The following PTTG1IP2 variants were observed in gnomAD, a reference collection of about 807,000 sequenced individuals.
The protein encoded by PTTG1IP2 is PTTG1IP family member 2.
intron 6 of PTTG1IP2, among the ~76,000 whole-genome samples, chr7:90,512,799 C>T (rs1798205713): frequency 6.6e-6 from 1 of 152,220 alleles, no homozygotes; most frequent in Non-Finnish European, 1.5e-5. Flanking sequence ...CGATATTATT[C>T]TACAGAACAG....
intron 2 of PTTG1IP2, among the ~76,000 whole-genome samples, chr7:90,486,575 C>A (rs1489584737): frequency 1.4e-5 from 2 of 139,412 alleles, no homozygotes; most frequent in African/African-American, 5.4e-5. Flanking sequence ...TTTCCTATTT[C>A]TGCATGATTA....
chr7:90,491,413 A>C (rs1797936270), intron 4 of PTTG1IP2, among the ~76,000 whole-genome samples: 1 of 152,200 alleles, frequency 6.6e-6, no homozygotes, highest in Non-Finnish European at 1.5e-5. Context: ...ACCTGAGGTC[A>C]GGAGTTCGAG....
Position 90,469,936 on chromosome 7 carries a change from GT to G in PTTG1IP2, c.145+6del, listed in dbSNP as rs1797662132. The G allele has an allele frequency of 6.6e-6, 1 of 152,670 alleles. No homozygotes were observed. The highest frequency in any genetic ancestry group is 1.5e-5 in the Non-Finnish European group (1 of 68,054). The allele number at this position is 152,670 out of a possible 1,614,324, so 9.5% of individuals were successfully genotyped here. Reference sequence around the variant, plus strand: ...CAAGAGATGGGAATGAAGAGGGTGAGTGATCTGGAGTCCTGAGGTGGGTGCC... The same window carrying G: ...CAAGAGATGGGAATGAAGAGGGTGAGGATCTGGAGTCCTGAGGTGGGTGCC... On this transcript the variant is annotated splice_donor_region_variant and intron_variant, in intron 1 of 6. Coordinates refer to ENST00000509356, the MANE Select transcript of PTTG1IP2 (RefSeq NM_001365443.2).
chr7:90,486,177 T>C (rs990669047), intron 2 of PTTG1IP2, among the ~76,000 whole-genome samples: 5 of 152,106 alleles, frequency 3.3e-5, no homozygotes, highest in African/African-American at 7.2e-5. Flanking sequence ...CAAGAAGTGA[T>C]TGGGTGGGGT....
chr7:90,501,898 A>C (rs1798065823), intron 6 of PTTG1IP2, among the ~76,000 whole-genome samples: 2 of 152,140 alleles, frequency 1.3e-5, no homozygotes, highest in African/African-American at 4.8e-5. Flanking sequence ...GTTTGATAGC[A>C]TTTTACCCAC....
intron 6 of PTTG1IP2, among the ~76,000 whole-genome samples, chr7:90,511,428 C>T (rs1407388082): frequency 6.6e-6 from 1 of 152,116 alleles, no homozygotes; most frequent in Non-Finnish European, 1.5e-5. Context: ...ACAATTTGGG[C>T]TCAAGAGATA....
intron 6 of PTTG1IP2, among the ~76,000 whole-genome samples, chr7:90,497,744 A>AAAAAAAAAAAAAAAAAAAAAG (rs1562988278): frequency 2.3e-5 from 3 of 132,450 alleles, no homozygotes; most frequent in African/African-American, 9.7e-5. Context: ...AAAAAAAAAA[A>AAAAAAAAAAAAAAAAAAAAAG]GAAGAAGAAG....
At chr7:90,497,573 A>G (rs28949571) in intron 6 of PTTG1IP2, among the ~76,000 whole-genome samples, 1 of 147,334 alleles carries the variant, frequency 6.8e-6, no homozygotes, top group Admixed American at 6.7e-5. Context: ...CAAAAAAAAA[A>G]AAAAAAAAAA....
At chr7:90,472,911 T>G (rs897469291) in intron 1 of PTTG1IP2, among the ~76,000 whole-genome samples, 1 of 152,180 alleles carries the variant, frequency 6.6e-6, no homozygotes, top group Non-Finnish European at 1.5e-5. Flanking sequence ...TAAATGCTGA[T>G]GGGGAACCAG....
intron 6 of PTTG1IP2, among the ~76,000 whole-genome samples, chr7:90,507,820 T>C (rs1562990688): frequency 6.6e-6 from 1 of 152,198 alleles, no homozygotes; most frequent in Non-Finnish European, 1.5e-5. Context: ...TAAATGGTTA[T>C]ATTATTACCT....
intron 2 of PTTG1IP2, among the ~76,000 whole-genome samples, chr7:90,482,720 T>C (rs761535044): frequency 6.6e-6 from 1 of 152,000 alleles, no homozygotes; most frequent in Non-Finnish European, 1.5e-5. Flanking sequence ...ATAAGACTTG[T>C]CATAAGTACA....
chr7:90,492,565 C>G (rs1460795632), intron 5 of PTTG1IP2, among the ~76,000 whole-genome samples: 1 of 152,178 alleles, frequency 6.6e-6, no homozygotes, highest in African/African-American at 2.4e-5. Context: ...GACCCTGTCT[C>G]TGAAAACAAC....
At chr7:90,505,946 T>C (rs1165255885) in intron 6 of PTTG1IP2, among the ~76,000 whole-genome samples, 1 of 126,610 alleles carries the variant, frequency 7.9e-6, no homozygotes, top group Non-Finnish European at 1.6e-5. Context: ...ATTCCGCCAC[T>C]GCAGTCCGCA....
chr7:90,470,427 C>A (rs569419681), intron 1 of PTTG1IP2: 2 of 152,274 alleles, frequency 1.3e-5, no homozygotes, highest in Admixed American at 6.5e-5. Flanking sequence ...GAGTTAAATT[C>A]ATGAACCTGG....
intron 1 of PTTG1IP2, among the ~76,000 whole-genome samples, chr7:90,474,468 G>A (rs1797725249): frequency 6.6e-6 from 1 of 152,212 alleles, no homozygotes; most frequent in African/African-American, 2.4e-5. Context: ...CATAAGAGAA[G>A]ACTAATGTAA....
chr7:90,507,578 C>G (rs537553018), intron 6 of PTTG1IP2, among the ~76,000 whole-genome samples: 21 of 152,144 alleles, frequency 1.4e-4, no homozygotes, highest in South Asian at 8.3e-4. Context: ...AGGGAAGGAG[C>G]CAGGCAAGAT....
rs929575072 is a variant in PTTG1IP2, at chr7:90,498,183, G to A, written c.*50+3753G>A. Among the ~76,000 whole-genome samples, 7 of 151,996 alleles carry A rather than the reference G, an allele frequency of 4.6e-5. No homozygotes were observed. The East Asian group carries it at 5.8e-4, about 13-fold the overall frequency. ...TGGGACTACAGGCGCCCGCCACCACGCCTGGCTAATTTTTTGTATTTTTAG... is the reference window on the plus strand; with the variant it reads ...TGGGACTACAGGCGCCCGCCACCACACCTGGCTAATTTTTTGTATTTTTAG... On this transcript the variant is annotated intron_variant, in intron 6 of 6. Coordinates refer to ENST00000509356, the MANE Select transcript of PTTG1IP2 (RefSeq NM_001365443.2).
intron 4 of PTTG1IP2, among the ~76,000 whole-genome samples, chr7:90,491,274 TTGAG>T (rs777401662): frequency 7.9e-5 from 12 of 152,224 alleles, no homozygotes; most frequent in South Asian, 2.1e-4. Flanking sequence ...CAAATATTTA[TTGAG>T]TATTTATTAT....
At chr7:90,503,884 C>A (rs1311249385) in intron 6 of PTTG1IP2, among the ~76,000 whole-genome samples, 1 of 152,058 alleles carries the variant, frequency 6.6e-6, no homozygotes, top group Non-Finnish European at 1.5e-5. Context: ...AAAATGGTGC[C>A]GACACATTTG....
Sources: allele counts gnomAD v4.1 joint callset (sites outside exome capture counted in the v4.1 genomes callset), GRCh38; gene constraint gnomAD v4.1.1; transcripts MANE v1.5; gene names NCBI Gene and HGNC (gene_info 2026-07-23, HGNC 2026-07-21).